Variants in ALPK1 observed in about 807,000 individuals in gnomAD.
ALPK1 encodes alpha kinase 1.
In ALPK1, 110 loss-of-function variants were observed where a neutral mutation model predicts 120.6. That is an observed-to-expected ratio of 0.91 (90% CI 0.78 to 1.07). The LOEUF (loss-of-function observed/expected upper bound fraction) is 1.07, where lower values mean the gene tolerates loss of function less well. ALPK1 is among the 50% of genes least tolerant of loss of function. The pLI is 0.00. For missense variants in ALPK1, 1,498 were observed against 1,483.9 expected (o/e 1.01, Z -0.16); for synonymous variants, 582 against 560.3 (o/e 1.04, Z -0.55).
At chr4:112,374,960 T>G (rs1211237072) in intron 2 of ALPK1, among the ~76,000 whole-genome samples, 1 of 152,100 alleles carries the variant, frequency 6.6e-6, no homozygotes, top group African/African-American at 2.4e-5. Flanking sequence ...GTCTTAGGGT[T>G]TTCAGAACAG....
At position 112,424,000 on chromosome 4, in the gene ALPK1, A is replaced by G. The variant is rs1352020277; in HGVS notation, c.532A>G (p.Thr178Ala). 3 of 1,613,674 alleles carry G rather than the reference A, an allele frequency of 1.9e-6. No individual in the cohort carries two copies. Among genetic ancestry groups the G allele is most frequent in the Non-Finnish European group, 2.5e-6 (3 of 1,179,926 alleles). ...LSSLISNNGA[T>A]GTWLYRNESD... is the part of the protein sequence containing the mutation. The stretch of plus-strand genomic sequence containing the variant: ...CAGTCTAATAAGCAACAATGGAGCA[A>G]CGGGTGAGTACTTTCATATCTTCAC... Residue 178 changes from threonine to alanine, a missense_variant, in exon 6 of 16, where the codon ACG (threonine) becomes GCG (alanine). Transcript: ENST00000650871.
intron 2 of ALPK1, chr4:112,357,055 C>A: frequency 1.1e-6 from 1 of 907,400 alleles, no homozygotes. Context: ...CAGGGCTGAA[C>A]ATGGAGCTGG....
intron 5 of ALPK1, among the ~76,000 whole-genome samples, chr4:112,415,804 G>C (rs931396975): frequency 6.6e-6 from 1 of 152,122 alleles, no homozygotes; most frequent in East Asian, 1.9e-4. Context: ...ACACCCTCCC[G>C]GTTGGTGAGA....
intron 2 of ALPK1, among the ~76,000 whole-genome samples, chr4:112,365,583 T>C (rs535411860): frequency 1.3e-5 from 2 of 152,262 alleles, no homozygotes; most frequent in African/African-American, 4.8e-5. Context: ...GGAAACATCC[T>C]GTGCTCATGG....
At chr4:112,302,222 T>TC (rs1727820332) in intron 1 of ALPK1, 1 of 152,218 alleles carries the variant, frequency 6.6e-6, no homozygotes, top group African/African-American at 2.4e-5. Context: ...GGCCCCTCAG[T>TC]CCTTAAGCAT....
At position 112,382,456 on chromosome 4, in the gene ALPK1, C is replaced by T. The variant is rs1731965089; in HGVS notation, c.180C>T (p.Pro60=). The part of the protein sequence containing the change: ...LIQEAKEMKW[P]FVPEKWQYKQ... Reference sequence around the variant, plus strand: ...AGGAGGCAAAGGAAATGAAGTGGCCCTTCGTGCCTGAAAAGTGGCAGTACA... The same window carrying T: ...AGGAGGCAAAGGAAATGAAGTGGCCTTTCGTGCCTGAAAAGTGGCAGTACA... Residue 60 remains proline (P), a synonymous_variant, in exon 4 of 16, where the codon CCC becomes CCT. Transcript: ENST00000650871. The T allele has an allele frequency of 6.2e-7, 1 of 1,613,964 alleles. No individual in the cohort carries two copies. The highest frequency in any genetic ancestry group is 1.3e-5 in the African/African-American group (1 of 74,876).
intron 2 of ALPK1, among the ~76,000 whole-genome samples, chr4:112,332,194 A>G (rs1487786123): frequency 6.6e-6 from 1 of 152,108 alleles, no homozygotes; most frequent in African/African-American, 2.4e-5. Context: ...TTTGTTTGGG[A>G]CCTTCCTTAA....
At chr4:112,305,295 T>G (rs1490078193) in intron 1 of ALPK1, among the ~76,000 whole-genome samples, 1 of 151,974 alleles carries the variant, frequency 6.6e-6, no homozygotes, top group Non-Finnish European at 1.5e-5. Flanking sequence ...AGAAAGTCAT[T>G]GGTAGCTTGA....
intron 2 of ALPK1, among the ~76,000 whole-genome samples, chr4:112,340,867 C>T (rs1729832114): frequency 6.6e-6 from 1 of 152,184 alleles, no homozygotes; most frequent in African/African-American, 2.4e-5. Context: ...TTTCAGAACG[C>T]ATTTGGTATT....
intron 4 of ALPK1, among the ~76,000 whole-genome samples, chr4:112,408,775 A>G (rs1733314410): frequency 6.6e-6 from 1 of 152,122 alleles, no homozygotes; most frequent in Non-Finnish European, 1.5e-5. Context: ...CGCTCAGCCA[A>G]CAGACTTTTT....
intron 4 of ALPK1, among the ~76,000 whole-genome samples, chr4:112,389,502 A>G (rs993125854): frequency 5.3e-5 from 8 of 152,210 alleles, no homozygotes; most frequent in Non-Finnish European, 8.8e-5. Context: ...GCTCCAGCCA[A>G]ATGTCTGGTG....
At chr4:112,354,023 T>C (rs929535507) in intron 2 of ALPK1, among the ~76,000 whole-genome samples, 1 of 152,222 alleles carries the variant, frequency 6.6e-6, no homozygotes, top group Non-Finnish European at 1.5e-5. Flanking sequence ...TCTGTTCAAG[T>C]CTTTTGTCTA....
At chr4:112,433,627 G>A (rs1393778161) in intron 11 of ALPK1, among the ~76,000 whole-genome samples, 2 of 152,188 alleles carry the variant, frequency 1.3e-5, no homozygotes, top group African/African-American at 4.8e-5. Context: ...CTTAAAAGTG[G>A]TAGAGAAGCT....
At chr4:112,401,365 G>T (rs1307672501) in intron 4 of ALPK1, among the ~76,000 whole-genome samples, 1 of 152,216 alleles carries the variant, frequency 6.6e-6, no homozygotes, top group Non-Finnish European at 1.5e-5. Context: ...TTGCAGAATT[G>T]TTGGATTTGT....
At chr4:112,326,278 C>G (rs1022627967) in intron 2 of ALPK1, among the ~76,000 whole-genome samples, 1 of 152,128 alleles carries the variant, frequency 6.6e-6, no homozygotes, top group African/African-American at 2.4e-5. Flanking sequence ...ACAAGCCATG[C>G]GTTGTGCTAA....
chr4:112,360,261 A>G (rs954543390), intron 2 of ALPK1, among the ~76,000 whole-genome samples: 3 of 152,074 alleles, frequency 2.0e-5, no homozygotes, highest in Admixed American at 1.3e-4. Flanking sequence ...ATTTCCTTCT[A>G]TTTTAAGGCT....
chr4:112,338,086 C>T (rs987099536), intron 2 of ALPK1, among the ~76,000 whole-genome samples: 2 of 152,174 alleles, frequency 1.3e-5, no homozygotes, highest in African/African-American at 4.8e-5. Context: ...CCTACCTCAG[C>T]TTCCTGAGTA....
At chr4:112,298,413 T>G (rs1727636585) in intron 1 of ALPK1, among the ~76,000 whole-genome samples, 1 of 152,142 alleles carries the variant, frequency 6.6e-6, no homozygotes, top group African/African-American at 2.4e-5. Context: ...AGTCCTTGTC[T>G]GCTGACCGAA....
At chr4:112,358,575 A>G in intron 2 of ALPK1, 1 of 709,242 alleles carries the variant, frequency 1.4e-6, no homozygotes, top group East Asian at 2.7e-5. Flanking sequence ...CCTGCCTGGC[A>G]GAGGCCCTGG....
Sources: allele counts gnomAD v4.1 joint callset (sites outside exome capture counted in the v4.1 genomes callset), GRCh38; gene constraint gnomAD v4.1.1; transcripts MANE v1.5; gene names NCBI Gene and HGNC (gene_info 2026-07-23, HGNC 2026-07-21).